MALRD1: variants seen among roughly 807,000 people sequenced by gnomAD.
MALRD1 encodes MAM and LDL receptor class A domain containing 1, also known as MAM and LDL-receptor class A domain-containing protein 1.
Under a neutral mutation model 242.1 loss-of-function variants are expected in MALRD1, and 247 were observed. That is an observed-to-expected ratio of 1.02 (90% CI 0.92 to 1.13). The LOEUF (loss-of-function observed/expected upper bound fraction) is 1.13, where lower values mean the gene tolerates loss of function less well. Ranked by LOEUF, MALRD1 falls within the 50% of genes most tolerant of loss-of-function variation. The pLI, the probability that MALRD1 is intolerant of heterozygous loss-of-function variation, is 0.00. For synonymous variants in MALRD1, 995 were observed against 866.6 expected, an observed-to-expected ratio of 1.15 and a Z score of -2.60; for missense variants, 2,989 against 2,533.1, an observed-to-expected ratio of 1.18 and a Z score of -3.86.
At chr10:19,611,660 C>T (rs1156755405) in intron 35 of MALRD1, among the ~76,000 whole-genome samples, 3 of 151,980 alleles carry the variant, frequency 2.0e-5, no homozygotes, top group Non-Finnish European at 4.4e-5. Context: ...TACTTATCTC[C>T]TGGAAATACT....
chr10:19,469,321 G>A (rs558925914), intron 29 of MALRD1, among the ~76,000 whole-genome samples: 1 of 152,174 alleles, frequency 6.6e-6, no homozygotes, highest in South Asian at 2.1e-4. Context: ...TCTGCTAGAG[G>A]AAGTCACTAC....
intron 2 of MALRD1, among the ~76,000 whole-genome samples, chr10:19,082,968 A>G (rs1835541943): frequency 6.6e-6 from 1 of 152,026 alleles, no homozygotes; most frequent in Admixed American, 6.6e-5. Context: ...ATGAAGGACG[A>G]CTTCCTGGTT....
At chr10:19,196,536 GTTTT>G (rs34242301) in intron 14 of MALRD1, among the ~76,000 whole-genome samples, 9,867 of 139,376 alleles carry the variant, frequency 0.071, 414 homozygotes, top group Middle Eastern at 0.12. Context: ...ACCACTCTTT[GTTTT>G]TTTTTTTTTT....
intron 38 of MALRD1, among the ~76,000 whole-genome samples, chr10:19,726,125 T>G (rs756527593): frequency 6.6e-6 from 1 of 152,128 alleles, no homozygotes; most frequent in Admixed American, 6.5e-5. Flanking sequence ...AATCAAAAAC[T>G]TTTGTGCAAC....
Position 19,347,942 on chromosome 10 carries a change from G to C in MALRD1, c.4073G>C (p.Ser1358Thr), listed in dbSNP as rs1844204748. 1.9e-6 allele frequency: 3 copies of C among 1,550,334 alleles called. No homozygotes were observed. Among genetic ancestry groups the C allele is most frequent in the Non-Finnish European group, 2.6e-6 (3 of 1,146,838 alleles). Residue 1358 changes from serine (S) to threonine (T), a missense_variant, in exon 25 of 40, where the codon AGT becomes ACT. Transcript: ENST00000454679. ...NSSGHYIFIK[S>T]LFPQQPMRAA... ...TCTGGTCATTACATCTTTATAAAGAGTTTGTTTCCTCAGCAGCCCATGAGA... is the reference window on the plus strand; with the variant it reads ...TCTGGTCATTACATCTTTATAAAGACTTTGTTTCCTCAGCAGCCCATGAGA...
At chr10:19,112,135 A>G (rs1352949979) in intron 5 of MALRD1, among the ~76,000 whole-genome samples, 1 of 149,064 alleles carries the variant, frequency 6.7e-6, no homozygotes, top group Non-Finnish European at 1.5e-5. Context: ...CTGAATTTTA[A>G]ATAAGATTCT....
At chr10:19,137,016 A>G (rs1833366395) in intron 10 of MALRD1, among the ~76,000 whole-genome samples, 1 of 152,170 alleles carries the variant, frequency 6.6e-6, no homozygotes, top group Non-Finnish European at 1.5e-5. Context: ...CTACAAATGA[A>G]TAGTTGTGAT....
chr10:19,275,761 A>G (rs1439541160), intron 19 of MALRD1, among the ~76,000 whole-genome samples: 5 of 152,378 alleles, frequency 3.3e-5, no homozygotes, highest in African/African-American at 1.2e-4. Context: ...GAGCAAGTTT[A>G]AAGTAGTACA....
chr10:19,509,563 T>G (rs1833300416), intron 31 of MALRD1, among the ~76,000 whole-genome samples: 1 of 152,162 alleles, frequency 6.6e-6, no homozygotes, highest in African/African-American at 2.4e-5. Flanking sequence ...CCTTGGGCAT[T>G]GATGCTAAGG....
At chr10:19,708,334 CTTTTTCTTTTT>C (rs1564558373) in intron 38 of MALRD1, among the ~76,000 whole-genome samples, 1 of 95,716 alleles carries the variant, frequency 1.0e-5, no homozygotes, top group Non-Finnish European at 2.3e-5. Flanking sequence ...TTTTCTTTTT[CTTTTTCTTTTT>C]TTTTTTTTTT....
intron 36 of MALRD1, among the ~76,000 whole-genome samples, chr10:19,673,127 A>C (rs1231466960): frequency 6.6e-6 from 1 of 152,104 alleles, no homozygotes; most frequent in Non-Finnish European, 1.5e-5. Context: ...TCACACCTGT[A>C]ATCCCAGCAC....
intron 26 of MALRD1, among the ~76,000 whole-genome samples, chr10:19,373,451 G>A (rs1014679434): frequency 2.6e-5 from 4 of 151,752 alleles, no homozygotes; most frequent in South Asian, 4.2e-4. Context: ...ACCAGAGGGC[G>A]GAGGTTGCAG....
At chr10:19,392,640 G>A (rs1360814872) in intron 28 of MALRD1, among the ~76,000 whole-genome samples, 1 of 152,086 alleles carries the variant, frequency 6.6e-6, no homozygotes, top group Non-Finnish European at 1.5e-5. Context: ...TTTCATTAGA[G>A]AGATGTAACT....
chr10:19,165,727 A>G lies in MALRD1; in HGVS notation c.1747A>G (p.Ile583Val). ...TGGAAACTTGCAAAAGCAGGGCAAA[A>G]TAATCAGATTCTCCGAATCTCAGTG... is the stretch of plus-strand genomic sequence containing the variant. Reference protein sequence around the residue: ...LDGNLQKQGKIIRFSESQWSH... With the variant: ...LDGNLQKQGKVIRFSESQWSH... Residue 583 changes from isoleucine to valine, a missense_variant, in exon 13 of 40, where the codon ATA (isoleucine) becomes GTA (valine). Coordinates refer to ENST00000454679, the MANE Select transcript of MALRD1 (RefSeq NM_001142308.3). 8.1e-7 allele frequency: 1 copy of G among 1,231,694 alleles called. No homozygotes were observed. Among genetic ancestry groups the G allele is most frequent in the Non-Finnish European group, 1.0e-6 (1 of 987,950 alleles). The allele number at this position is 1,231,694 out of a possible 1,614,324, so 76.3% of individuals were successfully genotyped here.
At chr10:19,728,217 T>A (rs768119718) in intron 38 of MALRD1, among the ~76,000 whole-genome samples, 2 of 152,192 alleles carry the variant, frequency 1.3e-5, no homozygotes, top group African/African-American at 4.8e-5. Context: ...CTTTCTTCTT[T>A]TATTACAACT....
At chr10:19,206,516 A>C (rs1305603425) in intron 17 of MALRD1, among the ~76,000 whole-genome samples, 2 of 152,230 alleles carry the variant, frequency 1.3e-5, no homozygotes, top group African/African-American at 4.8e-5. Context: ...TGCTAAAAAT[A>C]AGCAAATTGC....
In MALRD1 at chr10:19,203,813, G is replaced by A; in HGVS notation, c.2037G>A (p.Gln679=). The change falls in exon 15 of 40, where the codon CAG becomes CAA. Residue 679 remains glutamine (Q), a synonymous_variant. Transcript: ENST00000454679. ...ATTTTGACTGGATACGGAGCTCTCA[G>A]AGTGAACTTTCTGCTGATTTTGAGC... ...GDHFDWIRSS[Q]SELSADFEHQ... 6.4e-7 allele frequency: 1 copy of A among 1,550,558 alleles called. No homozygotes were observed. Among genetic ancestry groups the A allele is most frequent in the Non-Finnish European group, 8.7e-7 (1 of 1,146,958 alleles).
chr10:19,235,614 G>C (rs968947999), intron 18 of MALRD1, among the ~76,000 whole-genome samples: 1 of 143,674 alleles, frequency 7.0e-6, no homozygotes, highest in Admixed American at 7.0e-5. Context: ...GAGAGAGAGA[G>C]CGCCTAGGTA....
intron 24 of MALRD1, among the ~76,000 whole-genome samples, chr10:19,336,837 A>G (rs947672269): frequency 6.6e-6 from 1 of 152,144 alleles, no homozygotes; most frequent in Non-Finnish European, 1.5e-5. Flanking sequence ...AGGACTTCAG[A>G]AGACCAATAA....
Sources: allele counts gnomAD v4.1 joint callset (sites outside exome capture counted in the v4.1 genomes callset), GRCh38; gene constraint gnomAD v4.1.1; transcripts MANE v1.5; gene names NCBI Gene and HGNC (gene_info 2026-07-23, HGNC 2026-07-21).